The following ABHD12 variants were observed in gnomAD, a reference collection of about 807,000 sequenced individuals.
ABHD12 encodes the protein lysophosphatidylserine lipase ABHD12.
In ABHD12, 43 loss-of-function variants were observed where a neutral mutation model predicts 58.3. The observed-to-expected ratio is 0.74, with a 90% CI of 0.58 to 0.95. The LOEUF is 0.95. ABHD12 is among the 40% of genes least tolerant of loss of function. The pLI is 0.00. For missense variants in ABHD12, 539 were observed against 537.2 expected (o/e 1.00, Z -0.03); for synonymous variants, 219 against 211.2 (o/e 1.04, Z -0.32).
In ABHD12 at chr20:25,312,194, C is replaced by T. The variant is rs568562830; in HGVS notation, c.620-2619G>A. 2.6e-5 allele frequency among the ~76,000 whole-genome samples: 4 copies of T among 151,624 alleles called. No homozygotes were observed. In the East Asian group the frequency reaches 5.8e-4, roughly 22 times the overall value. On this transcript the variant is annotated intron_variant, in intron 6 of 12. Coordinates refer to ENST00000339157, the MANE Select transcript of ABHD12 (RefSeq NM_001042472.3). ...CTCTCCCTCTCCCCACGGTCTCCCT[C>T]TCCCTCTCTTTCCACGGTCTCTCTC...
intron 11 of ABHD12, 28 bp from the exon 12 acceptor site, chr20:25,302,374 G>A (rs2088653225): frequency 6.2e-7 from 1 of 1,611,706 alleles, no homozygotes; most frequent in Non-Finnish European, 8.5e-7. Context: ...AGAGCCTGAG[G>A]CAGTGGCCTG....
In ABHD12 at chr20:25,309,521, AGTGC is replaced by A; in HGVS notation, c.670_673del (p.Ala224SerfsTer65). 1 of 1,614,238 alleles carries A rather than the reference AGTGC, an allele frequency of 6.2e-7. No individual in the cohort carries two copies. Among genetic ancestry groups the A allele is most frequent in the Non-Finnish European group, 8.5e-7 (1 of 1,180,032 alleles). On this transcript the variant is annotated frameshift_variant, in exon 7 of 13. Coordinates refer to ENST00000339157, the MANE Select transcript of ABHD12 (RefSeq NM_001042472.3). LOFTEE classifies it high-confidence loss of function. ...TGCTTTGATCCAGTCAAAAACGTGG[AGTGC>A]GTCATAGGTCATGCCCCGCTCAGAT...
chr20:25,368,801 TCTG>T, intron 1 of ABHD12: 1 of 672,756 alleles, frequency 1.5e-6, no homozygotes, highest in Non-Finnish European at 2.7e-6. Flanking sequence ...GGCGGTGGCA[TCTG>T]CAAAGCCTAC....
At chr20:25,368,602 A>T in intron 1 of ABHD12, 1 of 1,393,554 alleles carries the variant, frequency 7.2e-7, no homozygotes, top group Non-Finnish European at 1.0e-6. Flanking sequence ...CCCTGGAATA[A>T]TTCTGTGAAA....
chr20:25,306,504 A>G (rs1042860913), intron 10 of ABHD12, among the ~76,000 whole-genome samples: 8 of 152,056 alleles, frequency 5.3e-5, no homozygotes, highest in Non-Finnish European at 1.0e-4. Context: ...TCAGCCTCCC[A>G]TGTAGCTGGG....
intron 6 of ABHD12, among the ~76,000 whole-genome samples, chr20:25,310,718 G>A (rs1471146463): frequency 6.6e-6 from 1 of 152,092 alleles, no homozygotes; most frequent in Non-Finnish European, 1.5e-5. Flanking sequence ...GAGGCACAGA[G>A]ACAGGCAAGA....
intron 1 of ABHD12, among the ~76,000 whole-genome samples, chr20:25,349,988 T>G (rs2089576610): frequency 6.6e-6 from 1 of 152,208 alleles, no homozygotes; most frequent in Non-Finnish European, 1.5e-5. Context: ...AGGTTTTATT[T>G]CAGGAGCAAA....
At chr20:25,338,331 C>T (rs1024025330) in intron 2 of ABHD12, among the ~76,000 whole-genome samples, 1 of 152,214 alleles carries the variant, frequency 6.6e-6, no homozygotes, top group Admixed American at 6.5e-5. Context: ...GCAAACCAAT[C>T]TAGCCACAGA....
intron 1 of ABHD12, among the ~76,000 whole-genome samples, chr20:25,380,748 T>TCCTC (rs2090012588): frequency 6.6e-6 from 1 of 152,178 alleles, no homozygotes; most frequent in South Asian, 2.1e-4. Flanking sequence ...CTGTCCTGAC[T>TCCTC]TGTCTGCTGG....
chr20:25,388,787 CTTTTTTTTTT>C (rs780031801), intron 1 of ABHD12, among the ~76,000 whole-genome samples: 2 of 122,082 alleles, frequency 1.6e-5, no homozygotes, highest in South Asian at 5.2e-4. Flanking sequence ...TTGATTTTTT[CTTTTTTTTTT>C]TTTTTTTTGA....
intron 1 of ABHD12, among the ~76,000 whole-genome samples, chr20:25,369,581 C>G (rs967741712): frequency 2.2e-4 from 34 of 152,174 alleles, no homozygotes; most frequent in African/African-American, 8.0e-4. Flanking sequence ...CCACTTCTGC[C>G]TACCGAAGTG....
At chr20:25,334,686 G>C (rs1460923326) in intron 2 of ABHD12, among the ~76,000 whole-genome samples, 3 of 151,340 alleles carry the variant, frequency 2.0e-5, no homozygotes, top group Non-Finnish European at 2.9e-5. Flanking sequence ...ACAAACCTGA[G>C]AAAAACAAGC....
In ABHD12 at chr20:25,377,976, G is replaced by A. The variant is rs573433181; in HGVS notation, c.191+12537C>T. ...CTCCCAAAGTGCTGGGATGACAGGC[G>A]TGGGCCACCGCGTCCGGCCAGGTCC... On this transcript the variant is annotated intron_variant, in intron 1 of 12. Transcript: ENST00000339157. Among the ~76,000 whole-genome samples, 17 of 152,330 alleles carry A rather than the reference G, an allele frequency of 1.1e-4. No homozygotes were observed. In the South Asian group the frequency reaches 1.2e-3, roughly 11 times the overall value.
Position 25,376,313 on chromosome 20 carries a change from C to A in ABHD12, c.191+14200G>T, listed in dbSNP as rs564498564. 2.6e-5 allele frequency among the ~76,000 whole-genome samples: 4 copies of A among 152,200 alleles called. No individual in the cohort carries two copies. The East Asian group carries it at 7.7e-4, about 29-fold the overall frequency. ...GATTAAATTCTTCTTAGCTTTTAGG[C>A]GGAAATCTTAACAACAATCTCCATA... On this transcript the variant is annotated intron_variant, in intron 1 of 12. Transcript: ENST00000339157.
At position 25,331,829 on chromosome 20, in the gene ABHD12, C is replaced by T. The variant is rs547068072; in HGVS notation, c.316+7398G>A. ...TGCGCTAAACATGGAAAGGAAAAAC[C>T]GGTACCAGCCACTGCAAAATCATGC... On this transcript the variant is annotated intron_variant, in intron 2 of 12. Transcript: ENST00000339157. Among the ~76,000 whole-genome samples the T allele has an allele frequency of 2.0e-3, 307 of 152,060 alleles. 2 individuals are homozygous for T. The highest frequency in any genetic ancestry group is 0.014 in the Middle Eastern group (4 of 292).
intron 1 of ABHD12, among the ~76,000 whole-genome samples, chr20:25,352,341 T>C (rs1218300289): frequency 6.6e-6 from 1 of 151,818 alleles, no homozygotes. Flanking sequence ...CAGGCTGGAG[T>C]ACAGTGGCAG....
At chr20:25,346,093 A>T (rs1475183503) in intron 1 of ABHD12, among the ~76,000 whole-genome samples, 1 of 152,202 alleles carries the variant, frequency 6.6e-6, no homozygotes, top group Non-Finnish European at 1.5e-5. Context: ...GAATAAATAA[A>T]CTGGTACATC....
At chr20:25,301,950 T>TGTGAGCGTGTGTGCCCCCCC (rs1273285233) in intron 12 of ABHD12, among the ~76,000 whole-genome samples, 1 of 152,232 alleles carries the variant, frequency 6.6e-6, no homozygotes, top group Non-Finnish European at 1.5e-5. Flanking sequence ...CATGGCCACC[T>TGTGAGCGTGTGTGCCCCCCC]GTGAGCGTGT....
At position 25,338,016 on chromosome 20, in the gene ABHD12, G is replaced by A. The variant is rs552376269; in HGVS notation, c.316+1211C>T. 9.7e-4 allele frequency among the ~76,000 whole-genome samples: 147 copies of A among 152,022 alleles called. 1 individual carries two copies. The highest frequency in any genetic ancestry group is 1.6e-3 in the Non-Finnish European group (109 of 67,974). ...ACTCAGATTTACAAAGTATTAAATA[G>A]CCTTATAATTTATGTTCTTCTTACC... On this transcript the variant is annotated intron_variant, in intron 2 of 12. Coordinates refer to ENST00000339157, the MANE Select transcript of ABHD12 (RefSeq NM_001042472.3).
Sources: allele counts gnomAD v4.1 joint callset (sites outside exome capture counted in the v4.1 genomes callset), GRCh38; gene constraint gnomAD v4.1.1; transcripts MANE v1.5; gene names NCBI Gene and HGNC (gene_info 2026-07-23, HGNC 2026-07-21).